The following SNTB1 variants were observed in gnomAD, a reference collection of about 807,000 sequenced individuals.
SNTB1 encodes the protein syntrophin beta 1.
A neutral mutation model predicts 48.9 loss-of-function variants in SNTB1; 36 were observed. The observed-to-expected ratio is 0.74, with a 90% CI of 0.56 to 0.97. The LOEUF (loss-of-function observed/expected upper bound fraction) is 0.97. SNTB1 is among the 50% of genes least tolerant of loss of function. The pLI is 0.00. For synonymous variants in SNTB1, 299 were observed against 294.6 expected, an observed-to-expected ratio of 1.01 and a Z score of -0.15; for missense variants, 786 against 703.4, an observed-to-expected ratio of 1.12 and a Z score of -1.33.
At chr8:120,636,219 CTCTT>C (rs1414002575) in intron 2 of SNTB1, among the ~76,000 whole-genome samples, 1 of 152,008 alleles carries the variant, frequency 6.6e-6, no homozygotes, top group Admixed American at 6.6e-5. Flanking sequence ...GCTCAGCTTC[CTCTT>C]TCTTCTTCTT....
At chr8:120,561,473 C>T (rs575539568) in intron 4 of SNTB1, among the ~76,000 whole-genome samples, 12 of 152,146 alleles carry the variant, frequency 7.9e-5, no homozygotes, top group Middle Eastern at 3.4e-3. Context: ...GATATTCTCA[C>T]GTCATGACAG....
intron 1 of SNTB1, among the ~76,000 whole-genome samples, chr8:120,739,205 G>A (rs752499939): frequency 6.6e-6 from 1 of 152,170 alleles, no homozygotes; most frequent in African/African-American, 2.4e-5. Flanking sequence ...TTTTTTACCT[G>A]TTTATTTATA....
chr8:120,593,831 C>T (rs888412432), intron 3 of SNTB1, among the ~76,000 whole-genome samples: 1 of 152,072 alleles, frequency 6.6e-6, no homozygotes, highest in African/African-American at 2.4e-5. Flanking sequence ...TTAAAGCTGG[C>T]CCAAATTCAC....
chr8:120,598,130 G>A (rs1035014129), intron 3 of SNTB1, among the ~76,000 whole-genome samples: 7 of 146,706 alleles, frequency 4.8e-5, no homozygotes, highest in African/African-American at 1.8e-4. Flanking sequence ...TCCCACTTCT[G>A]GCTCTCACAC....
chr8:120,809,269 T>C (rs137865534), intron 1 of SNTB1, among the ~76,000 whole-genome samples: 3 of 152,190 alleles, frequency 2.0e-5, no homozygotes, highest in Non-Finnish European at 4.4e-5. Flanking sequence ...AAACTTGGGC[T>C]GAGGATAAGG....
chr8:120,730,116 T>C (rs1269610018), intron 1 of SNTB1, among the ~76,000 whole-genome samples: 3 of 152,188 alleles, frequency 2.0e-5, no homozygotes, highest in African/African-American at 4.8e-5. Flanking sequence ...ACCTATCCTA[T>C]GCCAGGAACA....
chr8:120,686,789 T>G (rs998947749), intron 2 of SNTB1, among the ~76,000 whole-genome samples: 1 of 152,332 alleles, frequency 6.6e-6, no homozygotes, highest in Middle Eastern at 3.4e-3. Context: ...TTTTTACATA[T>G]GTAAAACATG....
At chr8:120,565,452 C>A (rs1235465814) in intron 4 of SNTB1, among the ~76,000 whole-genome samples, 1 of 152,186 alleles carries the variant, frequency 6.6e-6, no homozygotes, top group African/African-American at 2.4e-5. Context: ...AGTAGCAAGG[C>A]TGGGATTCGG....
chr8:120,756,378 G>A (rs989521900), intron 1 of SNTB1, among the ~76,000 whole-genome samples: 1 of 152,122 alleles, frequency 6.6e-6, no homozygotes, highest in Non-Finnish European at 1.5e-5. Context: ...GACAGCTAAG[G>A]TGGTAAAGAT....
At chr8:120,565,465 C>T (rs1815733812) in intron 4 of SNTB1, among the ~76,000 whole-genome samples, 1 of 152,112 alleles carries the variant, frequency 6.6e-6, no homozygotes, top group Non-Finnish European at 1.5e-5. Context: ...GGATTCGGAG[C>T]CAGGTTGTCA....
At chr8:120,673,405 C>T (rs1817787354) in intron 2 of SNTB1, among the ~76,000 whole-genome samples, 1 of 151,914 alleles carries the variant, frequency 6.6e-6, no homozygotes, top group Admixed American at 6.6e-5. Flanking sequence ...GTTCTCCTGC[C>T]TTAGCCTCCC....
chr8:120,784,517 A>G (rs1369148499), intron 1 of SNTB1, among the ~76,000 whole-genome samples: 1 of 152,118 alleles, frequency 6.6e-6, no homozygotes, highest in Admixed American at 6.5e-5. Context: ...ATCTAGCCAC[A>G]TGGCCTGATT....
At chr8:120,606,667 A>T (rs543604515) in intron 3 of SNTB1, among the ~76,000 whole-genome samples, 16 of 152,160 alleles carry the variant, frequency 1.1e-4, no homozygotes, top group Admixed American at 3.3e-4. Context: ...TTTAAAAGAA[A>T]ATTGAGCAAG....
At chr8:120,668,961 CT>C (rs985603551) in intron 2 of SNTB1, among the ~76,000 whole-genome samples, 4 of 152,150 alleles carry the variant, frequency 2.6e-5, no homozygotes, top group Non-Finnish European at 5.9e-5. Flanking sequence ...GAAAATGAAG[CT>C]TCAAACGGCT....
At chr8:120,564,903 C>T (rs1157808184) in intron 4 of SNTB1, among the ~76,000 whole-genome samples, 3 of 152,080 alleles carry the variant, frequency 2.0e-5, no homozygotes, top group African/African-American at 7.3e-5. Context: ...GGAAACAGAT[C>T]AGAGAGAAGA....
chr8:120,571,243 C>T lies in SNTB1; in HGVS notation c.1136+3843G>A. On this transcript the variant is annotated intron_variant, in intron 4 of 6. Coordinates refer to ENST00000517992, the MANE Select transcript of SNTB1 (RefSeq NM_021021.4). ...CAACTTTTGTTTCTGAGAATCATTT[C>T]AAGATGCTTGGGTCCAACTTTGCTT... The T allele has an allele frequency of 3.1e-6, 4 of 1,272,552 alleles. No individual in the cohort carries two copies. In the South Asian group the frequency reaches 5.1e-5, roughly 16 times the overall value. The allele number at this position is 1,272,552 out of a possible 1,614,324, so 78.8% of individuals were successfully genotyped here. A position where few individuals can be genotyped will look rare whatever the true frequency, so the allele number is the denominator to read the frequency against.
chr8:120,618,305 C>T (rs1355469166), intron 3 of SNTB1, among the ~76,000 whole-genome samples: 2 of 152,230 alleles, frequency 1.3e-5, no homozygotes, highest in African/African-American at 4.8e-5. Flanking sequence ...GTATCTCCAG[C>T]TTACTGCCTC....
At chr8:120,575,298 T>A in intron 3 of SNTB1, 73 bp from the exon 4 acceptor site, 1 of 1,562,212 alleles carries the variant, frequency 6.4e-7, no homozygotes, top group Non-Finnish European at 8.8e-7. Flanking sequence ...GGCATCCCCC[T>A]AATCAGAGGA....
At chr8:120,783,865 A>G (rs1311518719) in intron 1 of SNTB1, among the ~76,000 whole-genome samples, 1 of 152,252 alleles carries the variant, frequency 6.6e-6, no homozygotes, top group African/African-American at 2.4e-5. Context: ...GCAAGTAAAT[A>G]ATAATACAGT....
Sources: allele counts gnomAD v4.1 joint callset (sites outside exome capture counted in the v4.1 genomes callset), GRCh38; gene constraint gnomAD v4.1.1; transcripts MANE v1.5; gene names NCBI Gene and HGNC (gene_info 2026-07-23, HGNC 2026-07-21).